OSBPL10: variants seen among roughly 807,000 people sequenced by gnomAD.
The protein encoded by OSBPL10 is oxysterol binding protein like 10.
OSBPL10 carries 49 observed loss-of-function variants against 81.7 expected under a neutral mutation model. The ratio of observed to expected loss-of-function variants is 0.60; its 90% CI spans 0.48 to 0.76. OSBPL10 has a LOEUF of 0.76. OSBPL10 is among the 30% of genes least tolerant of loss of function. The pLI, the probability that OSBPL10 is intolerant of heterozygous loss-of-function variation, is 0.00. For missense variants in OSBPL10, 923 were observed against 987.8 expected (o/e 0.93, Z 0.88); for synonymous variants, 419 against 383.6 (o/e 1.09, Z -1.08).
chr3:32,015,084 G>C (rs1699300970), intron 2 of OSBPL10, among the ~76,000 whole-genome samples: 2 of 152,170 alleles, frequency 1.3e-5, no homozygotes, highest in South Asian at 4.2e-4. Flanking sequence ...TCACACAATT[G>C]GAAAAAACCA....
rs574221748 is a variant in OSBPL10, at chr3:32,017,918, G to A, written n.298+28573C>T. On this transcript the variant is annotated intron_variant and non_coding_transcript_variant, in intron 2 of 3. Coordinates refer to the OSBPL10 transcript ENST00000479173. ...AATCCCAGCACTTTGAGAGGCCGAG[G>A]CAGGCAGATCACTTGAGGTCAGGAG... is the stretch of plus-strand genomic sequence containing the variant. Among the ~76,000 whole-genome samples the A allele has an allele frequency of 4.6e-5, 7 of 152,230 alleles. No homozygotes were observed. In the East Asian group the frequency reaches 1.3e-3, roughly 29 times the overall value.
chr3:31,978,796 A>AC (rs1188345881), intron 1 of OSBPL10, among the ~76,000 whole-genome samples: 1 of 152,194 alleles, frequency 6.6e-6, no homozygotes, highest in African/African-American at 2.4e-5. Context: ...ACCACATTTC[A>AC]CCTAGGTAGC....
intron 6 of OSBPL10, among the ~76,000 whole-genome samples, chr3:31,722,908 TA>T (rs775312807): frequency 3.3e-5 from 5 of 151,964 alleles, no homozygotes; most frequent in Non-Finnish European, 4.4e-5. Flanking sequence ...ACATTTCTTA[TA>T]TTTTTTTTAA....
intron 6 of OSBPL10, among the ~76,000 whole-genome samples, chr3:31,731,690 T>C (rs987841342): frequency 1.3e-5 from 2 of 152,142 alleles, no homozygotes; most frequent in African/African-American, 2.4e-5. Context: ...GGTTTCACCA[T>C]GTTGGTCAGG....
chr3:31,713,144 T>C (rs112437146), intron 6 of OSBPL10, among the ~76,000 whole-genome samples: 440 of 152,298 alleles, frequency 2.9e-3, no homozygotes, highest in Non-Finnish European at 4.8e-3. Context: ...CCCTCTCCTC[T>C]TGACTCAGAC....
At chr3:31,877,070 T>C (rs1042626048) in intron 2 of OSBPL10, among the ~76,000 whole-genome samples, 6 of 151,420 alleles carry the variant, frequency 4.0e-5, no homozygotes, top group African/African-American at 1.5e-4. Flanking sequence ...TGCCCGGCTA[T>C]TTTTTTTGTA....
intron 2 of OSBPL10, among the ~76,000 whole-genome samples, chr3:31,993,334 C>T (rs960204080): frequency 6.6e-6 from 1 of 151,878 alleles, no homozygotes; most frequent in Non-Finnish European, 1.5e-5. Flanking sequence ...CTCAGCCTCC[C>T]GGTAGCTGGG....
chr3:32,018,118 A>C (rs1699331650), intron 2 of OSBPL10, among the ~76,000 whole-genome samples: 1 of 151,766 alleles, frequency 6.6e-6, no homozygotes, highest in South Asian at 2.1e-4. Context: ...ATTGCACTCC[A>C]ACCTGGGCAA....
chr3:31,889,985 T>A (rs1222598250), intron 1 of OSBPL10, among the ~76,000 whole-genome samples: 1 of 152,038 alleles, frequency 6.6e-6, no homozygotes, highest in African/African-American at 2.4e-5. Flanking sequence ...AGTTGCTCTC[T>A]GCTTCTCAAT....
intron 3 of OSBPL10, among the ~76,000 whole-genome samples, chr3:31,837,905 A>G (rs1700400142): frequency 6.6e-6 from 1 of 152,186 alleles, no homozygotes; most frequent in Admixed American, 6.5e-5. Flanking sequence ...AAATACACAT[A>G]TCAGGTAAAT....
chr3:32,057,576 C>T (rs191061077), intron 1 of OSBPL10, among the ~76,000 whole-genome samples: 6 of 152,244 alleles, frequency 3.9e-5, no homozygotes, highest in South Asian at 4.1e-4. Context: ...AAGTGCCAAG[C>T]GAAGTGGGAA....
intron 3 of OSBPL10, among the ~76,000 whole-genome samples, chr3:31,836,521 C>T (rs1197091136): frequency 1.3e-5 from 2 of 151,500 alleles, no homozygotes; most frequent in Non-Finnish European, 2.9e-5. Context: ...CTCCTCCCAT[C>T]CACCAATCAT....
chr3:31,728,174 T>C (rs1248236040), intron 6 of OSBPL10, among the ~76,000 whole-genome samples: 3 of 152,240 alleles, frequency 2.0e-5, no homozygotes, highest in African/African-American at 7.2e-5. Flanking sequence ...AAAGATATTA[T>C]AAGTTTTTCT....
chr3:31,960,916 C>G (rs969604679), intron 1 of OSBPL10, among the ~76,000 whole-genome samples: 7 of 152,128 alleles, frequency 4.6e-5, no homozygotes, highest in African/African-American at 1.7e-4. Context: ...GTCTAAAAAC[C>G]TGACCTACAA....
intron 1 of OSBPL10, among the ~76,000 whole-genome samples, chr3:32,054,677 G>A (rs1010513739): frequency 4.6e-5 from 7 of 151,752 alleles, no homozygotes; most frequent in Non-Finnish European, 8.8e-5. Flanking sequence ...GATTACGGGG[G>A]CGGGCCACTA....
chr3:31,830,131 G>A lies in OSBPL10; in HGVS notation c.638C>T (p.Pro213Leu). The A allele has an allele frequency of 6.2e-7, 1 of 1,614,100 alleles. No individual in the cohort carries two copies. Among genetic ancestry groups the A allele is most frequent in the Non-Finnish European group, 8.5e-7 (1 of 1,179,990 alleles). The change falls in exon 4 of 12, where the codon CCC becomes CTC. Residue 213 changes from proline to leucine, a missense_variant. Around this residue, in one of 3 missense-constraint regions of OSBPL10, gnomAD observed 514 missense variants for 508.0 expected, o/e 1.01. Transcript: ENST00000396556. The stretch of plus-strand genomic sequence containing the variant: ...GTGATGCGTGATTGTGACAACACCG[G>A]GGGCCCCCACACTGAGGTGTCTCTG... Reference protein sequence around the residue: ...CSQRHLSVGAPGVVTITHHKS... With the variant: ...CSQRHLSVGALGVVTITHHKS...
chr3:31,662,562 A>G, intron 11 of OSBPL10: 1 of 931,130 alleles, frequency 1.1e-6, no homozygotes, highest in Non-Finnish European at 1.3e-6. Context: ...ATCAGCACAC[A>G]CAAGAAACAC....
intron 2 of OSBPL10, among the ~76,000 whole-genome samples, chr3:32,028,396 C>T (rs1056202527): frequency 3.3e-5 from 5 of 152,178 alleles, no homozygotes; most frequent in Non-Finnish European, 7.3e-5. Context: ...AACAGTACTA[C>T]CACCCAACCC....
At chr3:31,929,783 T>G (rs1232739385) in intron 1 of OSBPL10, among the ~76,000 whole-genome samples, 2 of 149,572 alleles carry the variant, frequency 1.3e-5, no homozygotes, top group Non-Finnish European at 3.0e-5. Context: ...ATAAAGCTCT[T>G]ACTAAGTAAG....
Sources: gnomAD v4.1 joint callset for allele counts (sites outside exome capture counted in the v4.1 genomes callset) on GRCh38, gnomAD v4.1.1 for gene constraint, gnomAD v4.1.1 regional missense constraint, MANE v1.5 for transcripts, NCBI Gene and HGNC (gene_info 2026-07-23, HGNC 2026-07-21) for gene names.